EIF3F: variants seen among roughly 807,000 people sequenced by gnomAD.
The protein encoded by EIF3F is eukaryotic translation initiation factor 3 subunit F.
EIF3F carries 8 observed loss-of-function variants against 36.0 expected under a neutral mutation model. That is an observed-to-expected ratio of 0.22 (90% CI 0.13 to 0.40). EIF3F has a LOEUF of 0.40. EIF3F is among the 10% of genes least tolerant of loss of function. The pLI is 1.00. For synonymous variants in EIF3F, 184 were observed against 188.5 expected (o/e 0.98, Z 0.19); for missense variants, 430 against 467.6 (o/e 0.92, Z 0.74).
At chr11:7,988,398 T>C (rs1249116581) in intron 1 of EIF3F, among the ~76,000 whole-genome samples, 1 of 152,230 alleles carries the variant, frequency 6.6e-6, no homozygotes, top group African/African-American at 2.4e-5. Context: ...CAAACAGTTG[T>C]ATTATCTGTT....
At position 7,994,460 on chromosome 11, in the gene EIF3F, G is replaced by A; in HGVS notation, c.688G>A (p.Val230Met). 3 of 1,614,114 alleles carry A rather than the reference G, an allele frequency of 1.9e-6. No homozygotes were observed. The highest frequency in any genetic ancestry group is 2.5e-6 in the Non-Finnish European group (3 of 1,179,992). Reference protein sequence around the residue: ...LMGVPGRTMGVMFTPLTVKYA... With the variant: ...LMGVPGRTMGMMFTPLTVKYA... Reference sequence around the variant, plus strand: ...GGGAGTCCCTGGGAGGACCATGGGAGTGATGTTCACGCCTCTGACAGTGAA... The same window carrying A: ...GGGAGTCCCTGGGAGGACCATGGGAATGATGTTCACGCCTCTGACAGTGAA... Residue 230 changes from valine to methionine, a missense_variant, in exon 5 of 8, where the codon GTG becomes ATG. By Grantham distance (21) the Val-to-Met change is conservative. This residue lies in a region of EIF3F where 262 missense variants were observed against 347.4 expected (regional missense o/e 0.75). Transcript: ENST00000651655.
intron 1 of EIF3F, among the ~76,000 whole-genome samples, chr11:7,990,953 G>T (rs958477605): frequency 6.6e-6 from 1 of 152,048 alleles, no homozygotes; most frequent in South Asian, 2.1e-4. Flanking sequence ...CCAGCACTTT[G>T]GGAGGCTGAG....
intron 1 of EIF3F, 124 bp from the exon 2 acceptor site, chr11:7,991,657 A>C: frequency 1.1e-6 from 1 of 922,224 alleles, no homozygotes; most frequent in Non-Finnish European, 1.8e-6. Flanking sequence ...CTAAACTTGG[A>C]GCTAATGAGT....
At chr11:7,993,554 G>T (rs1942123822) in intron 4 of EIF3F, among the ~76,000 whole-genome samples, 1 of 152,202 alleles carries the variant, frequency 6.6e-6, no homozygotes, top group Non-Finnish European at 1.5e-5. Context: ...AGTTATGGGG[G>T]ATGTTGGGAA....
chr11:8,000,841 AAC>A lies in EIF3F; in HGVS notation c.*4823_*4824del, dbSNP rs1429165684. 6.6e-6 allele frequency: 1 copy of A among 152,226 alleles called. No homozygotes were observed. The highest frequency in any genetic ancestry group is 1.9e-4 in the East Asian group (1 of 5,206). 9.4% of individuals were successfully genotyped at this position (152,226 alleles called of 1,614,324 possible). ...AAAAAACCATAAATATGAGGGAAAAAACACAGCAATGTGTTTTTAATGATTTA... is the reference window on the plus strand; with the variant it reads ...AAAAAACCATAAATATGAGGGAAAAAACAGCAATGTGTTTTTAATGATTTA... On this transcript the variant is annotated 3_prime_UTR_variant, in exon 8 of 8. Coordinates refer to ENST00000651655, the MANE Select transcript of EIF3F (RefSeq NM_003754.3).
intron 4 of EIF3F, among the ~76,000 whole-genome samples, chr11:7,993,461 AT>A (rs1432793945): frequency 1.3e-5 from 2 of 152,074 alleles, no homozygotes; most frequent in Non-Finnish European, 2.9e-5. Context: ...TTTTGAACAC[AT>A]TTATTAACCC....
chr11:7,995,139 C>T (rs759822275), intron 6 of EIF3F, 21 bp downstream of exon 6: 6 of 1,612,316 alleles, frequency 3.7e-6, no homozygotes, highest in Non-Finnish European at 5.1e-6. Flanking sequence ...AAAGAAAAAA[C>T]AAAGGGGGAG....
rs1335738449 is a variant in EIF3F at position 7,992,372 on chromosome 11, G to A, written c.515+209G>A. 8 of 590,316 alleles carry A rather than the reference G, an allele frequency of 1.4e-5. No homozygotes were observed. In the East Asian group the frequency reaches 1.4e-4, roughly 11 times the overall value. The allele number at this position is 590,316 out of a possible 1,614,324, so 36.6% of individuals were successfully genotyped here. On this transcript the variant is annotated intron_variant, in intron 3 of 7. Coordinates refer to ENST00000651655, the MANE Select transcript of EIF3F (RefSeq NM_003754.3). ...ACTTGAGCCCAGTAGTTCAAGATCA[G>A]CCTGAACAAAATAGTGAGACCCTGT... is the stretch of plus-strand genomic sequence containing the variant.
rs1942158045 is a variant in EIF3F at position 7,996,217 on chromosome 11, T to TGA, written c.*195_*196insGA. The TGA allele has an allele frequency of 5.5e-6, 3 of 546,690 alleles. No homozygotes were observed. In the African/African-American group the frequency reaches 5.7e-5, roughly 10 times the overall value. 33.9% of individuals were successfully genotyped at this position (546,690 alleles called of 1,614,324 possible). On this transcript the variant is annotated 3_prime_UTR_variant, in exon 8 of 8. Transcript: ENST00000651655. Reference sequence around the variant, plus strand: ...TTGCCGGGTGGAAGGGAGGAAAATGTTTTAGATCACACAGAAACTAGGAAG... The same window carrying TGA: ...TTGCCGGGTGGAAGGGAGGAAAATGTGATTTAGATCACACAGAAACTAGGAAG...
intron 7 of EIF3F, 197 bp from the exon 8 acceptor site, chr11:7,995,748 A>G: frequency 1.5e-6 from 1 of 653,228 alleles, no homozygotes; most frequent in South Asian, 1.8e-5. Context: ...CTATAAGTGT[A>G]TCAGTAGAGA....
chr11:7,989,691 C>T (rs1289240025), intron 1 of EIF3F, among the ~76,000 whole-genome samples: 1 of 152,104 alleles, frequency 6.6e-6, no homozygotes, highest in Non-Finnish European at 1.5e-5. Context: ...AGAAGGGTGT[C>T]ATGGTGGCAT....
At position 7,995,977 on chromosome 11, in the gene EIF3F, C is replaced by G. The variant is rs1299160261; in HGVS notation, c.1029C>G (p.Leu343=). ...TGATGGTGACCTACCTGGCCAACCT[C>G]ACACAGTCACAGATTGCACTCAATG... ...DLLMVTYLAN[L]TQSQIALNEK... Residue 343 remains leucine (L), a synonymous_variant, in exon 8 of 8, where the codon CTC becomes CTG. Coordinates refer to ENST00000651655, the MANE Select transcript of EIF3F (RefSeq NM_003754.3). 1.9e-6 allele frequency: 3 copies of G among 1,613,940 alleles called. No individual in the cohort carries two copies. Among genetic ancestry groups the G allele is most frequent in the Non-Finnish European group, 2.5e-6 (3 of 1,179,842 alleles).
chr11:7,992,648 C>A, intron 3 of EIF3F: 1 of 546,700 alleles, frequency 1.8e-6, no homozygotes, highest in Non-Finnish European at 3.2e-6. Context: ...GGTTCTGATC[C>A]TGTGGGGCCA....
At position 7,995,190 on chromosome 11, in the gene EIF3F, A is replaced by G. The variant is rs541396578; in HGVS notation, c.883-64A>G. On this transcript the variant is annotated intron_variant, in intron 6 of 7. Transcript: ENST00000651655. ...CCTGGGATCACTGAGGCATGTGCTG[A>G]TGAAATGGTAGGGCTCAGTGGTTAT... 187 of 1,604,834 alleles carry G rather than the reference A, an allele frequency of 1.2e-4. 1 individual carries two copies. The South Asian group carries it at 1.8e-3, about 16-fold the overall frequency.
Position 7,987,442 on chromosome 11 carries a change from G to A in EIF3F, c.90G>A (p.Thr30=). 1.9e-6 allele frequency: 3 copies of A among 1,602,734 alleles called. No homozygotes were observed. Among genetic ancestry groups the A allele is most frequent in the Non-Finnish European group, 2.5e-6 (3 of 1,179,020 alleles). Residue 30 remains threonine (T), a synonymous_variant, in exon 1 of 8, where the codon ACG becomes ACA. Coordinates refer to ENST00000651655, the MANE Select transcript of EIF3F (RefSeq NM_003754.3). ...AAAPASVPAP[T]PAPAAAPVPA... is the part of the protein sequence containing the mutation. ...CCCCAGCCTCAGTTCCAGCGCCAAC[G>A]CCAGCACCGGCTGCGGCTCCGGTTC...
chr11:8,001,558 A>G lies in EIF3F; in HGVS notation c.*5536A>G, dbSNP rs933810245. ...CAATACTATGCAGCTGTTAAGCAGA[A>G]TGAGACAGTCCTCTATATATCAATA... On this transcript the variant is annotated 3_prime_UTR_variant, in exon 8 of 8. Coordinates refer to ENST00000651655, the MANE Select transcript of EIF3F (RefSeq NM_003754.3). 5 of 152,226 alleles carry G rather than the reference A, an allele frequency of 3.3e-5. No homozygotes were observed. The highest frequency in any genetic ancestry group is 6.5e-5 in the Admixed American group (1 of 15,284). The allele number at this position is 152,226 out of a possible 1,614,324, so 9.4% of individuals were successfully genotyped here.
rs923525523 is a variant in EIF3F at position 7,995,624 on chromosome 11, G to A, written c.996+257G>A. 7 of 580,092 alleles carry A rather than the reference G, an allele frequency of 1.2e-5. No individual in the cohort carries two copies. The South Asian group carries it at 1.3e-4, about 11-fold the overall frequency. The allele number at this position is 580,092 out of a possible 1,614,324, so 35.9% of individuals were successfully genotyped here. A position where few individuals can be genotyped will look rare whatever the true frequency, so the allele number is the denominator to read the frequency against. ...GTGACTTACTGTCTAAATTCGTGATGGAAAGAAACACTAAAATTCAGAGGT... is the reference window on the plus strand; with the variant it reads ...GTGACTTACTGTCTAAATTCGTGATAGAAAGAAACACTAAAATTCAGAGGT... On this transcript the variant is annotated intron_variant, in intron 7 of 7. Transcript: ENST00000651655.
chr11:7,988,176 A>G (rs1942050856), intron 1 of EIF3F, among the ~76,000 whole-genome samples: 1 of 152,186 alleles, frequency 6.6e-6, no homozygotes, highest in Non-Finnish European at 1.5e-5. Context: ...TTTTCCAGGT[A>G]TTGACAAAGT....
intron 3 of EIF3F, 183 bp from the exon 4 acceptor site, chr11:7,992,704 C>T: frequency 1.3e-6 from 1 of 756,320 alleles, no homozygotes; most frequent in South Asian, 1.7e-5. Flanking sequence ...TTTTCATCAG[C>T]ACTAAGTCAG....
Sources: allele counts gnomAD v4.1 joint callset (sites outside exome capture counted in the v4.1 genomes callset), GRCh38; gene constraint gnomAD v4.1.1; regional missense constraint gnomAD v4.1.1; transcripts MANE v1.5; gene names NCBI Gene and HGNC (gene_info 2026-07-23, HGNC 2026-07-21).